RIMS2: variants seen among roughly 807,000 people sequenced by gnomAD.
RIMS2 encodes the protein regulating synaptic membrane exocytosis protein 2.
In RIMS2, 59 loss-of-function variants were observed where a neutral mutation model predicts 174.4. The ratio of observed to expected loss-of-function variants is 0.34; its 90% CI spans 0.27 to 0.42. The LOEUF is 0.42. Ranked by LOEUF, RIMS2 falls within the 10% of genes least tolerant of loss-of-function variation. The pLI, the probability that RIMS2 is intolerant of heterozygous loss-of-function variation, is 1.00. For synonymous variants in RIMS2, 606 were observed against 572.5 expected, an observed-to-expected ratio of 1.06 and a Z score of -0.84; for missense variants, 1,620 against 1,666.3, an observed-to-expected ratio of 0.97 and a Z score of 0.48.
intron 1 of RIMS2, among the ~76,000 whole-genome samples, chr8:103,676,471 A>G (rs1415884909): frequency 1.3e-5 from 2 of 152,162 alleles, no homozygotes; most frequent in African/African-American, 4.8e-5. Context: ...TTTATCCAGA[A>G]TAGCTTTCTT....
At chr8:104,234,465 T>G (rs1327956113) in intron 19 of RIMS2, among the ~76,000 whole-genome samples, 2 of 150,790 alleles carry the variant, frequency 1.3e-5, no homozygotes, top group Non-Finnish European at 1.5e-5. Context: ...TGCAACTCTA[T>G]CTAAGTAGTT....
Position 103,942,029 on chromosome 8 carries a change from G to A in RIMS2, c.2548-744G>A, listed in dbSNP as rs375397800. 2.6e-5 allele frequency among the ~76,000 whole-genome samples: 4 copies of A among 152,156 alleles called. No homozygotes were observed. In the East Asian group the frequency reaches 7.7e-4, roughly 29 times the overall value. Reference sequence around the variant, plus strand: ...AACTTTTAAGTTCAGGGATACATGTGGAGGTTTGTTACATGGGTAAACATG... The same window carrying A: ...AACTTTTAAGTTCAGGGATACATGTAGAGGTTTGTTACATGGGTAAACATG... On this transcript the variant is annotated intron_variant, in intron 13 of 23. Transcript: ENST00000504942.
chr8:103,864,772 G>T (rs1252689602), intron 3 of RIMS2, among the ~76,000 whole-genome samples: 2 of 152,092 alleles, frequency 1.3e-5, no homozygotes, highest in Non-Finnish European at 2.9e-5. Context: ...ACAACTAACA[G>T]TCATAGAGTT....
At chr8:103,646,307 G>C (rs2096331240) in intron 1 of RIMS2, among the ~76,000 whole-genome samples, 1 of 152,042 alleles carries the variant, frequency 6.6e-6, no homozygotes, top group African/African-American at 2.4e-5. Flanking sequence ...GCCACGTGAG[G>C]TAGAAGTTTT....
intron 1 of RIMS2, among the ~76,000 whole-genome samples, chr8:103,534,182 C>T (rs1838731967): frequency 6.6e-6 from 1 of 152,110 alleles, no homozygotes; most frequent in Non-Finnish European, 1.5e-5. Flanking sequence ...ATAAGTTCTA[C>T]CATGGAACTT....
At chr8:103,510,959 A>G (rs1426792858) in intron 1 of RIMS2, among the ~76,000 whole-genome samples, 1 of 152,190 alleles carries the variant, frequency 6.6e-6, no homozygotes, top group Non-Finnish European at 1.5e-5. Flanking sequence ...TTTATAAAGT[A>G]GATACTGAAC....
chr8:104,230,505 G>A (rs990971021), intron 19 of RIMS2, among the ~76,000 whole-genome samples: 6 of 151,736 alleles, frequency 4.0e-5, no homozygotes, highest in African/African-American at 1.2e-4. Flanking sequence ...AAGTAGCTGG[G>A]CATGTTGTCA....
chr8:103,529,901 T>A (rs1349781516), intron 1 of RIMS2, among the ~76,000 whole-genome samples: 1 of 152,236 alleles, frequency 6.6e-6, no homozygotes, highest in Non-Finnish European at 1.5e-5. Flanking sequence ...CTGTGGTTGG[T>A]TGAATCTGTG....
At chr8:103,645,154 A>G (rs1286139648) in intron 1 of RIMS2, among the ~76,000 whole-genome samples, 1 of 152,038 alleles carries the variant, frequency 6.6e-6, no homozygotes, top group Non-Finnish European at 1.5e-5. Context: ...AAGTTTTCTA[A>G]ATAGAATTCA....
At chr8:103,523,821 T>A (rs989066660) in intron 1 of RIMS2, among the ~76,000 whole-genome samples, 14 of 152,196 alleles carry the variant, frequency 9.2e-5, no homozygotes, top group African/African-American at 3.4e-4. Flanking sequence ...TTATTATTTC[T>A]ATCTTCTAAA....
intron 4 of RIMS2, among the ~76,000 whole-genome samples, chr8:103,887,276 A>G (rs1266886561): frequency 6.6e-6 from 1 of 151,272 alleles, no homozygotes; most frequent in Non-Finnish European, 1.5e-5. Flanking sequence ...TCTATTATTG[A>G]TTTATAAGCA....
chr8:103,572,696 A>G lies in RIMS2; in HGVS notation c.176+71634A>G, dbSNP rs569644693. Among the ~76,000 whole-genome samples the G allele has an allele frequency of 7.2e-5, 11 of 151,760 alleles. No homozygotes were observed. In the East Asian group the frequency reaches 2.1e-3, roughly 29 times the overall value. On this transcript the variant is annotated intron_variant, in intron 1 of 23. Coordinates refer to ENST00000504942, the Ensembl canonical transcript of RIMS2. Reference sequence around the variant, plus strand: ...TTTCATATGTTTGTTGTCCACTTGTATGTCTTCTTTTGAGAAATATCTGTT... The same window carrying G: ...TTTCATATGTTTGTTGTCCACTTGTGTGTCTTCTTTTGAGAAATATCTGTT...
intron 19 of RIMS2, among the ~76,000 whole-genome samples, chr8:104,142,883 T>C (rs1054378005): frequency 7.9e-5 from 12 of 152,214 alleles, no homozygotes; most frequent in African/African-American, 2.9e-4. Context: ...ATTAACATAA[T>C]GTGTTTATAT....
At chr8:104,090,132 T>G (rs1377188287) in intron 19 of RIMS2, among the ~76,000 whole-genome samples, 1 of 151,644 alleles carries the variant, frequency 6.6e-6, no homozygotes, top group South Asian at 2.1e-4. Context: ...AATTACACAC[T>G]ATCTCTTGTC....
At chr8:103,610,007 T>C (rs2095311301) in intron 1 of RIMS2, among the ~76,000 whole-genome samples, 1 of 152,224 alleles carries the variant, frequency 6.6e-6, no homozygotes, top group Non-Finnish European at 1.5e-5. Flanking sequence ...CTGATTTCTT[T>C]GAGTGGTGTT....
chr8:104,043,466 A>C (rs2096643082), intron 19 of RIMS2, among the ~76,000 whole-genome samples: 1 of 151,636 alleles, frequency 6.6e-6, no homozygotes, highest in African/African-American at 2.4e-5. Context: ...TATAGAAAGA[A>C]GAAAAGAATA....
At chr8:104,105,157 A>G (rs2098019125) in intron 19 of RIMS2, among the ~76,000 whole-genome samples, 1 of 152,178 alleles carries the variant, frequency 6.6e-6, no homozygotes, top group Non-Finnish European at 1.5e-5. Flanking sequence ...TAAATGAAGG[A>G]GTGACCATTA....
chr8:103,762,850 CAT>C lies in RIMS2; in HGVS notation c.388-3376_388-3375del, dbSNP rs535302761. On this transcript the variant is annotated intron_variant, in intron 2 of 23. Transcript: ENST00000504942. The stretch of plus-strand genomic sequence containing the variant: ...GCTCCTAGGCTACAAACCTGTACAA[CAT>C]GTTACTGTATTAAATATTGTAGGCA... Among the ~76,000 whole-genome samples the C allele has an allele frequency of 2.6e-5, 4 of 152,228 alleles. No homozygotes were observed. In the South Asian group the frequency reaches 8.3e-4, roughly 32 times the overall value.
At chr8:103,991,508 A>G (rs2094695480) in intron 17 of RIMS2, among the ~76,000 whole-genome samples, 1 of 151,986 alleles carries the variant, frequency 6.6e-6, no homozygotes, top group African/African-American at 2.4e-5. Context: ...AATAAAATGC[A>G]TATGTCTGCA....
Sources: allele counts gnomAD v4.1 joint callset (sites outside exome capture counted in the v4.1 genomes callset), GRCh38; gene constraint gnomAD v4.1.1; transcripts MANE v1.5; gene names NCBI Gene and HGNC (gene_info 2026-07-23, HGNC 2026-07-21).